Variants in CLNK observed in about 807,000 individuals in gnomAD.
CLNK encodes cytokine dependent hematopoietic cell linker, also known as cytokine-dependent hematopoietic cell linker.
A neutral mutation model predicts 68.6 loss-of-function variants in CLNK; 74 were observed. That is an observed-to-expected ratio of 1.08 (90% confidence interval 0.89 to 1.31). The LOEUF (loss-of-function observed/expected upper bound fraction) is 1.31. CLNK is among the 50% of genes most tolerant of loss of function. The pLI is 0.00. For missense variants in CLNK, 553 were observed against 515.3 expected (o/e 1.07, Z -0.71); for synonymous variants, 198 against 172.2 (o/e 1.15, Z -1.17).
chr4:10,512,887 C>A (rs12510628), intron 16 of CLNK, among the ~76,000 whole-genome samples: 2 of 151,032 alleles, frequency 1.3e-5, no homozygotes, highest in Non-Finnish European at 2.9e-5. Flanking sequence ...CAAAAATAAC[C>A]AATTGTAGTG....
chr4:10,708,386 T>C, the CLNK span, among the ~76,000 whole-genome samples: 15 of 151,626 alleles, frequency 9.9e-5, no homozygotes, highest in African/African-American at 3.4e-4. Flanking sequence ...TGAACACTAT[T>C]TTTTTTTTCT....
At chr4:10,551,900 T>G (rs936767129) in intron 8 of CLNK, among the ~76,000 whole-genome samples, 9 of 150,690 alleles carry the variant, frequency 6.0e-5, no homozygotes, top group Non-Finnish European at 1.2e-4. Context: ...CAGGCTGGAG[T>G]GTAGGGGCAT....
At chr4:10,666,422 A>C (rs982036440) in intron 2 of CLNK, among the ~76,000 whole-genome samples, 7 of 152,210 alleles carry the variant, frequency 4.6e-5, no homozygotes, top group South Asian at 2.1e-4. Context: ...TTGTGGTGCA[A>C]CCACAGGTTA....
intron 8 of CLNK, among the ~76,000 whole-genome samples, chr4:10,548,202 T>A (rs74820346): frequency 2.6e-5 from 4 of 152,156 alleles, no homozygotes; most frequent in African/African-American, 9.7e-5. Context: ...TCCTAAGAGG[T>A]GTGAGGTGAT....
chr4:10,561,256 C>A (rs1221854238), intron 7 of CLNK, among the ~76,000 whole-genome samples: 1 of 152,160 alleles, frequency 6.6e-6, no homozygotes. Context: ...TATGAGACAA[C>A]TCCCCTCTGA....
At chr4:10,524,898 C>T (rs901530786) in intron 14 of CLNK, among the ~76,000 whole-genome samples, 8 of 152,046 alleles carry the variant, frequency 5.3e-5, no homozygotes, top group African/African-American at 9.7e-5. Context: ...AGGCATCTGA[C>T]GAGGCTGCAG....
the CLNK span, among the ~76,000 whole-genome samples, chr4:10,728,743 C>T: frequency 1.3e-5 from 2 of 151,866 alleles, no homozygotes; most frequent in African/African-American, 4.8e-5. Flanking sequence ...CGCCTGCCAC[C>T]ACGCCTGGCT....
intron 7 of CLNK, among the ~76,000 whole-genome samples, chr4:10,562,644 T>C (rs1200300329): frequency 6.6e-6 from 1 of 152,168 alleles, no homozygotes; most frequent in Admixed American, 6.6e-5. Flanking sequence ...GACCTTGTGA[T>C]CTGCCTACTT....
rs923105751 is a variant in CLNK at position 10,519,674 on chromosome 4, A to G, written c.772+1117T>C. 5.9e-5 allele frequency among the ~76,000 whole-genome samples: 9 copies of G among 152,220 alleles called. No homozygotes were observed. In the East Asian group the frequency reaches 1.7e-3, roughly 29 times the overall value. The stretch of plus-strand genomic sequence containing the variant: ...GCCTCAGGCCCAGATGGCATATGGC[A>G]GAAGTGACTTGAAGTCATGATGGAA... On this transcript the variant is annotated intron_variant, in intron 15 of 18. Coordinates refer to ENST00000226951, the MANE Select transcript of CLNK (RefSeq NM_052964.4).
At chr4:10,551,848 A>ATAT (rs1560212927) in intron 8 of CLNK, among the ~76,000 whole-genome samples, 2 of 140,608 alleles carry the variant, frequency 1.4e-5, no homozygotes. Flanking sequence ...GAGAATTGTA[A>ATAT]TTTTTTTTTT....
chr4:10,561,438 A>G (rs1379927436), intron 7 of CLNK, among the ~76,000 whole-genome samples: 1 of 152,226 alleles, frequency 6.6e-6, no homozygotes, highest in Admixed American at 6.5e-5. Flanking sequence ...AAAGGCTTAA[A>G]TCCTGGCATA....
chr4:10,550,528 A>G (rs7691523), intron 8 of CLNK, among the ~76,000 whole-genome samples: 147,366 of 152,248 alleles, frequency 0.97, 71,503 homozygotes, highest in East Asian at 1. Flanking sequence ...TTACATAAAC[A>G]TACACTTAAG....
At chr4:10,501,559 T>C in intron 17 of CLNK, 148 bp from the exon 18 acceptor site, 1 of 725,924 alleles carries the variant, frequency 1.4e-6, no homozygotes, top group East Asian at 2.9e-5. Flanking sequence ...TTTTACTGAG[T>C]GTCTGTATGC....
At position 10,620,723 on chromosome 4, in the gene CLNK, T is replaced by C. The variant is rs1045349170; in HGVS notation, c.12-22674A>G. Among the ~76,000 whole-genome samples the C allele has an allele frequency of 4.6e-5, 7 of 152,100 alleles. No individual in the cohort carries two copies. The South Asian group carries it at 1.5e-3, about 32-fold the overall frequency. On this transcript the variant is annotated intron_variant, in intron 2 of 18. Coordinates refer to ENST00000226951, the MANE Select transcript of CLNK (RefSeq NM_052964.4). ...CCTGGTGCTCTGTGTTTACTTCTCT[T>C]ATAATGTTGACAGTACAGTGATGTA...
intron 3 of CLNK, among the ~76,000 whole-genome samples, chr4:10,587,639 T>G (rs1413384773): frequency 2.0e-5 from 3 of 152,182 alleles, no homozygotes; most frequent in Non-Finnish European, 4.4e-5. Context: ...CAGCGTAACT[T>G]ACTGCCTTCT....
chr4:10,490,239 A>C lies in CLNK; in HGVS notation c.*228T>G. Reference sequence around the variant, plus strand: ...TAGTTTTTATTTTTATTTATTTTCCAGTGGCCAGTTACTAGAATGTTTTTA... The same window carrying C: ...TAGTTTTTATTTTTATTTATTTTCCCGTGGCCAGTTACTAGAATGTTTTTA... On this transcript the variant is annotated 3_prime_UTR_variant, in exon 19 of 19. Coordinates refer to ENST00000226951, the MANE Select transcript of CLNK (RefSeq NM_052964.4). 2.5e-6 allele frequency: 1 copy of C among 398,280 alleles called. No individual in the cohort carries two copies. 24.7% of individuals were successfully genotyped at this position (398,280 alleles called of 1,614,324 possible).
chr4:10,644,434 T>C (rs1723432055), intron 2 of CLNK, among the ~76,000 whole-genome samples: 1 of 152,236 alleles, frequency 6.6e-6, no homozygotes, highest in Non-Finnish European at 1.5e-5. Flanking sequence ...GGTGCTGTTA[T>C]TATCTCCATT....
At chr4:10,627,429 TA>T (rs1722717558) in intron 2 of CLNK, among the ~76,000 whole-genome samples, 1 of 152,194 alleles carries the variant, frequency 6.6e-6, no homozygotes, top group African/African-American at 2.4e-5. Flanking sequence ...ATTAGCCACA[TA>T]AGCTTCTGTA....
chr4:10,686,352 C>G (rs774261867), upstream of CLNK, among the ~76,000 whole-genome samples: 4 of 152,042 alleles, frequency 2.6e-5, no homozygotes, highest in Admixed American at 6.5e-5. Context: ...AGGACTTTAA[C>G]AAATGAATTT....
Sources: gnomAD v4.1 joint callset for allele counts (sites outside exome capture counted in the v4.1 genomes callset) on GRCh38, gnomAD v4.1.1 for gene constraint, MANE v1.5 for transcripts, NCBI Gene and HGNC (gene_info 2026-07-23, HGNC 2026-07-21) for gene names.